Variants in FAM184A observed in about 807,000 individuals in gnomAD.
FAM184A encodes family with sequence similarity 184 member A, also known as protein FAM184A.
In FAM184A, 99 loss-of-function variants were observed where a neutral mutation model predicts 143.8. The observed-to-expected ratio is 0.69, with a 90% CI of 0.58 to 0.81. The LOEUF (loss-of-function observed/expected upper bound fraction) is 0.81, where lower values mean the gene tolerates loss of function less well. FAM184A is among the 40% of genes least tolerant of loss of function. The pLI, the probability that FAM184A is intolerant of heterozygous loss-of-function variation, is 0.00. For missense variants in FAM184A, 1,217 were observed against 1,310.5 expected (o/e 0.93, Z 1.10); for synonymous variants, 427 against 446.4 (o/e 0.96, Z 0.55).
Position 119,097,574 on chromosome 6 carries a change from C to T in FAM184A, c.-202+51504G>A, listed in dbSNP as rs191501518. The stretch of plus-strand genomic sequence containing the variant: ...GTCTTTTCTACCACGGTCCCTGGCT[C>T]ATAACTCCCATAGCCCTGGTTACTT... On this transcript the variant is annotated intron_variant, in intron 1 of 16. Transcript: ENST00000352896. Among the ~76,000 whole-genome samples the T allele has an allele frequency of 2.4e-3, 363 of 152,284 alleles. 3 individuals are homozygous for T. Among genetic ancestry groups the T allele is most frequent in the African/African-American group, 8.5e-3 (355 of 41,568 alleles).
At position 119,013,193 on chromosome 6, in the gene FAM184A, G is replaced by A. The variant is rs58481570; in HGVS notation, c.1531-1762C>T. Among the ~76,000 whole-genome samples, 838 of 152,146 alleles carry A rather than the reference G, an allele frequency of 5.5e-3. 7 individuals are homozygous for A. The highest frequency in any genetic ancestry group is 0.019 in the African/African-American group (809 of 41,496). ...GGAAATTTCATGTCATCTGTCTTAC[G>A]GCAACCATGTTTTAAAGAAAGACTT... On this transcript the variant is annotated intron_variant, in intron 5 of 17. Transcript: ENST00000338891.
At chr6:118,979,078 T>G (rs1218608177) in intron 11 of FAM184A, among the ~76,000 whole-genome samples, 1 of 152,174 alleles carries the variant, frequency 6.6e-6, no homozygotes, top group Non-Finnish European at 1.5e-5. Flanking sequence ...GTGATTGATT[T>G]CTGGGACACC....
intron 1 of FAM184A, among the ~76,000 whole-genome samples, chr6:119,133,849 A>G (rs1068680): frequency 0.87 from 131,504 of 151,474 alleles, 57,332 homozygotes; most frequent in South Asian, 0.92. Context: ...TAGAGACAAG[A>G]TCTCATTATG....
At chr6:119,073,485 G>A (rs1312483010) in intron 1 of FAM184A, among the ~76,000 whole-genome samples, 1 of 152,124 alleles carries the variant, frequency 6.6e-6, no homozygotes, top group Non-Finnish European at 1.5e-5. Flanking sequence ...GAACATTCTC[G>A]AAAATGTCAA....
At chr6:118,975,835 AC>A in intron 12 of FAM184A, 81 bp downstream of exon 12, 1 of 1,335,954 alleles carries the variant, frequency 7.5e-7, no homozygotes. Context: ...ATAAGTTATT[AC>A]AAAATAATTT....
At position 119,023,986 on chromosome 6, in the gene FAM184A, T is replaced by C. The variant is rs767235583; in HGVS notation, c.987A>G (p.Ala329=). The C allele has an allele frequency of 3.7e-6, 6 of 1,602,108 alleles. No individual in the cohort carries two copies. The South Asian group carries it at 6.8e-5, about 18-fold the overall frequency. The change falls in exon 2 of 18, where the codon GCA becomes GCG. Residue 329 remains alanine, a synonymous_variant. Transcript: ENST00000338891. The stretch of plus-strand genomic sequence containing the variant: ...GAACATTGTTCTCTGCTATGGCAAG[T>C]GCCGTCTGAAGCTTTTGGCATTTGT... ...LLDKCQKLQT[A]LAIAENNVQV... is the part of the protein sequence containing the mutation.
At chr6:119,134,080 C>T (rs376353171) in intron 1 of FAM184A, among the ~76,000 whole-genome samples, 11 of 151,576 alleles carry the variant, frequency 7.3e-5, no homozygotes, top group African/African-American at 1.9e-4. Flanking sequence ...CATCAAAAGA[C>T]GTAATAATGA....
Position 118,974,415 on chromosome 6 carries a change from T to A in FAM184A, c.2915+13A>T. On this transcript the variant is annotated intron_variant, in intron 14 of 17. Coordinates refer to ENST00000338891, the MANE Select transcript of FAM184A (RefSeq NM_024581.6). ...TTATCCACATATGAATTTTCTTATA[T>A]AATATGACTTACGACACTTGTAAAG... 6.2e-7 allele frequency: 1 copy of A among 1,602,054 alleles called. No homozygotes were observed. The highest frequency in any genetic ancestry group is 8.5e-7 in the Non-Finnish European group (1 of 1,174,972).
intron 14 of FAM184A, 146 bp from the exon 15 acceptor site, chr6:118,967,098 C>T (rs1002348158): frequency 2.0e-6 from 1 of 509,504 alleles, no homozygotes; most frequent in Non-Finnish European, 3.5e-6. Context: ...AGCATAATGA[C>T]ATGACTGCTT....
At chr6:119,069,469 T>C (rs192998113) in intron 1 of FAM184A, among the ~76,000 whole-genome samples, 22 of 152,306 alleles carry the variant, frequency 1.4e-4, no homozygotes, top group Admixed American at 1.2e-3. Flanking sequence ...TGTGAACACA[T>C]AGACACACAT....
At chr6:118,964,818 ATT>A in intron 15 of FAM184A, 47 bp from the exon 16 acceptor site, 1 of 1,040,034 alleles carries the variant, frequency 9.6e-7, no homozygotes, top group Non-Finnish European at 1.4e-6. Flanking sequence ...TCTATGGAAT[ATT>A]TTAAAAACAT....
intron 1 of FAM184A, among the ~76,000 whole-genome samples, chr6:119,101,998 G>A (rs560263474): frequency 1.4e-4 from 22 of 152,154 alleles, no homozygotes; most frequent in Non-Finnish European, 2.9e-4. Context: ...AGAGGTTGCA[G>A]TGAGCCGAGA....
intron 14 of FAM184A, among the ~76,000 whole-genome samples, chr6:118,972,515 A>G (rs1385641271): frequency 6.6e-6 from 1 of 152,212 alleles, no homozygotes; most frequent in African/African-American, 2.4e-5. Flanking sequence ...ATTGGTTAGC[A>G]TGGACCCAAG....
chr6:119,057,818 C>T (rs1014988103), intron 1 of FAM184A: 1 of 146,080 alleles, frequency 6.8e-6, no homozygotes, highest in African/African-American at 2.5e-5. Context: ...ACGCATATCA[C>T]ATTACATTAC....
chr6:119,095,620 G>GGCAC, intron 1 of FAM184A, among the ~76,000 whole-genome samples: 1 of 152,014 alleles, frequency 6.6e-6, no homozygotes, highest in East Asian at 1.9e-4. Context: ...GTGCAATGGT[G>GGCAC]TGATCATAGC....
Position 119,133,435 on chromosome 6 carries a change from AG to A in FAM184A, c.-202+15642del, listed in dbSNP as rs570403103. On this transcript the variant is annotated intron_variant, in intron 1 of 16. Transcript: ENST00000352896. ...TGTTGTTAGCACCTATGGAAAGGAA[AG>A]GAAGGAAGTAGGATTGGGCAGAAGT... Among the ~76,000 whole-genome samples the A allele has an allele frequency of 3.6e-3, 547 of 152,258 alleles. 2 individuals are homozygous for A. The highest frequency in any genetic ancestry group is 0.012 in the African/African-American group (512 of 41,542).
At chr6:119,052,507 C>A (rs1786804795) in intron 1 of FAM184A, among the ~76,000 whole-genome samples, 1 of 152,224 alleles carries the variant, frequency 6.6e-6, no homozygotes, top group African/African-American at 2.4e-5. Context: ...TGCTGTGCCA[C>A]AATTCATTCC....
At chr6:119,002,863 G>A (rs201525901) in intron 9 of FAM184A, 36 bp downstream of exon 9, 100 of 1,518,904 alleles carry the variant, frequency 6.6e-5, no homozygotes, top group East Asian at 6.4e-4. Context: ...AATGTCAAGG[G>A]AGATGAAACT....
intron 13 of FAM184A, among the ~76,000 whole-genome samples, 171 bp from the exon 14 acceptor site, chr6:118,974,745 G>A (rs1783798019): frequency 6.6e-6 from 1 of 152,056 alleles, no homozygotes; most frequent in Non-Finnish European, 1.5e-5. Context: ...CTTTGTTAAA[G>A]TTGTCTCCTT....
Sources: gnomAD v4.1 joint callset for allele counts (sites outside exome capture counted in the v4.1 genomes callset) on GRCh38, gnomAD v4.1.1 for gene constraint, MANE v1.5 for transcripts, NCBI Gene and HGNC (gene_info 2026-07-23, HGNC 2026-07-21) for gene names.